LCP2: variants seen among roughly 807,000 people sequenced by gnomAD.
LCP2 encodes the protein lymphocyte cytosolic protein 2, also known as 76 kDa tyrosine phosphoprotein.
LCP2 carries 29 observed loss-of-function variants against 74.5 expected under a neutral mutation model. That is an observed-to-expected ratio of 0.39 (90% CI 0.29 to 0.53). The LOEUF (loss-of-function observed/expected upper bound fraction) is 0.53, where lower values mean the gene tolerates loss of function less well. Among genes scored for constraint, LCP2 ranks in the 20% least tolerant of loss-of-function variants. The probability of loss-of-function intolerance (pLI) is 0.72; values close to 1 mark genes in which losing one functional copy is unlikely to be tolerated. For missense variants in LCP2, 604 were observed against 634.6 expected, an observed-to-expected ratio of 0.95 and a Z score of 0.52; for synonymous variants, 228 against 229.5, an observed-to-expected ratio of 0.99 and a Z score of 0.06.
rs1761553040 is a variant in LCP2 at position 170,256,463 on chromosome 5, G to A, written c.1150+63C>T. 7.7e-7 allele frequency: 1 copy of A among 1,301,648 alleles called. No homozygotes were observed. Among genetic ancestry groups the A allele is most frequent in the South Asian group, 1.2e-5 (1 of 84,770 alleles). The allele number at this position is 1,301,648 out of a possible 1,614,324, so 80.6% of individuals were successfully genotyped here. A position where few individuals can be genotyped will look rare whatever the true frequency, so the allele number is the denominator to read the frequency against. ...CCTTTGTCGAAAGCTTTTGGGACAG[G>A]TTAGGGATCCAGTCATAAAGGCTTG... On this transcript the variant is annotated intron_variant, in intron 17 of 20. Transcript: ENST00000046794. The surrounding 1 kb of genome is among the most constrained non-coding windows in gnomAD (Gnocchi z 4.5).
chr5:170,262,055 CA>C (rs1761664440), intron 13 of LCP2, among the ~76,000 whole-genome samples: 1 of 152,170 alleles, frequency 6.6e-6, no homozygotes, highest in Non-Finnish European at 1.5e-5. Context: ...CCCTGATTCA[CA>C]AATGAGATGG....
Position 170,275,825 on chromosome 5 carries a change from T to C in LCP2, c.224A>G (p.Asn75Ser). The change falls in exon 4 of 21, where the codon AAC becomes AGC. Residue 75 changes from asparagine (N) to serine (S), a missense_variant. Coordinates refer to ENST00000046794, the MANE Select transcript of LCP2 (RefSeq NM_005565.5). The stretch of plus-strand genomic sequence containing the variant: ...TGTGAAGATGCTCCTCCTCTCTTCG[T>C]TCTTGTTGATTTCCTGACTTAACTT... ...LSKLSQEINK[N>S]EERRSIFTRK... 1.3e-6 allele frequency: 2 copies of C among 1,579,506 alleles called. No individual in the cohort carries two copies. The highest frequency in any genetic ancestry group is 1.7e-6 in the Non-Finnish European group (2 of 1,160,202).
intron 3 of LCP2, among the ~76,000 whole-genome samples, chr5:170,286,191 G>A (rs935263162): frequency 2.6e-5 from 4 of 152,236 alleles, no homozygotes; most frequent in African/African-American, 9.7e-5. Context: ...CTCAGGGAAT[G>A]GTGGGACCCT....
intron 20 of LCP2, among the ~76,000 whole-genome samples, chr5:170,249,357 C>CGTGT (rs199770462): frequency 9.6e-6 from 1 of 104,556 alleles, no homozygotes; most frequent in African/African-American, 3.6e-5. Context: ...TATGTGCATG[C>CGTGT]GTGTGTATAT....
chr5:170,275,296 A>G, intron 5 of LCP2, 24 bp downstream of exon 5: 8 of 1,613,666 alleles, frequency 5.0e-6, no homozygotes, highest in Non-Finnish European at 6.8e-6. Context: ...TAAAGCAATC[A>G]CCTCTGAGCC....
chr5:170,253,832 T>G (rs1182269401), intron 17 of LCP2, among the ~76,000 whole-genome samples: 2 of 152,230 alleles, frequency 1.3e-5, no homozygotes, highest in East Asian at 3.9e-4. Flanking sequence ...TGGGCAACTA[T>G]TAATTACCCA....
In LCP2 at chr5:170,270,929, G is replaced by A. The variant is rs748965129; in HGVS notation, c.325-12C>T. 1.2e-6 allele frequency: 2 copies of A among 1,608,760 alleles called. No homozygotes were observed. The highest frequency in any genetic ancestry group is 1.3e-5 in the African/African-American group (1 of 74,784). ...TAATCGTCTTCTTCCTGCCCACACAGTGATAGGGACAGTGCAGTTTGTAGA... is the reference window on the plus strand; with the variant it reads ...TAATCGTCTTCTTCCTGCCCACACAATGATAGGGACAGTGCAGTTTGTAGA... On this transcript the variant is annotated splice_polypyrimidine_tract_variant and intron_variant, in intron 6 of 20. Transcript: ENST00000046794.
Position 170,262,687 on chromosome 5 carries a change from C to CCGTGG in LCP2, c.869_873dup (p.Glu292ProfsTer48). The CCGTGG allele has an allele frequency of 6.2e-7, 1 of 1,613,982 alleles. No individual in the cohort carries two copies. The highest frequency in any genetic ancestry group is 1.3e-5 in the African/African-American group (1 of 75,060). On this transcript the variant is annotated frameshift_variant, in exon 13 of 21. Coordinates refer to ENST00000046794, the MANE Select transcript of LCP2 (RefSeq NM_005565.5). LOFTEE classifies it high-confidence loss of function. ...AGGGGGCTGCTCCTTTCATGTCTTT[C>CCGTGG]CGTGGTCGGTGGTAAAGGAGGCTTT...
intron 16 of LCP2, among the ~76,000 whole-genome samples, chr5:170,257,508 C>T (rs1761575513): frequency 6.6e-6 from 1 of 152,130 alleles, no homozygotes; most frequent in Non-Finnish European, 1.5e-5. Flanking sequence ...TGCCCGTGGG[C>T]TTGTTTGGGG....
chr5:170,276,002 G>C, intron 3 of LCP2, 142 bp from the exon 4 acceptor site: 3 of 670,368 alleles, frequency 4.5e-6, no homozygotes, highest in Non-Finnish European at 8.0e-6. Flanking sequence ...ACCTCTGCAG[G>C]GACCCTCTGC....
At chr5:170,263,895 G>A (rs185654924) in intron 10 of LCP2, among the ~76,000 whole-genome samples, 1 of 152,198 alleles carries the variant, frequency 6.6e-6, no homozygotes, top group Non-Finnish European at 1.5e-5. Flanking sequence ...GCAGGATCAG[G>A]CACTTGATTG....
intron 3 of LCP2, among the ~76,000 whole-genome samples, chr5:170,279,783 A>G (rs1762068942): frequency 6.6e-6 from 1 of 152,222 alleles, no homozygotes; most frequent in Non-Finnish European, 1.5e-5. Flanking sequence ...AGGGAGTGAA[A>G]CAGGAGAGTG....
intron 19 of LCP2, chr5:170,251,768 A>AC (rs1761448371): frequency 7.3e-6 from 3 of 411,238 alleles, no homozygotes; most frequent in East Asian, 7.2e-5. Context: ...CTGACACAGC[A>AC]CCCCCAGAAT....
chr5:170,284,193 C>T (rs1762146819), intron 3 of LCP2, among the ~76,000 whole-genome samples: 1 of 152,244 alleles, frequency 6.6e-6, no homozygotes, highest in Non-Finnish European at 1.5e-5. Context: ...GGGCCACGTA[C>T]ATACACAGAC....
chr5:170,262,550 C>G lies in LCP2; in HGVS notation c.926+85G>C, dbSNP rs959075164. ...ACCCTGCCCGGGAGCACCGAGGAGC[C>G]TCGGTTCCCACTGCAGAGTCAGCAC... On this transcript the variant is annotated intron_variant, in intron 13 of 20. Coordinates refer to ENST00000046794, the MANE Select transcript of LCP2 (RefSeq NM_005565.5). 6.0e-6 allele frequency: 6 copies of G among 995,830 alleles called. No homozygotes were observed. The African/African-American group carries it at 9.8e-5, about 16-fold the overall frequency. 61.7% of individuals were successfully genotyped at this position (995,830 alleles called of 1,614,324 possible).
At chr5:170,266,723 G>T in intron 10 of LCP2, 85 bp downstream of exon 10, 8 of 1,129,340 alleles carry the variant, frequency 7.1e-6, no homozygotes, top group Non-Finnish European at 1.1e-5. Context: ...ATAGTTAAAT[G>T]AGATGGTACA....
chr5:170,253,652 T>C (rs1761495744), intron 17 of LCP2, among the ~76,000 whole-genome samples: 1 of 152,230 alleles, frequency 6.6e-6, no homozygotes, highest in East Asian at 1.9e-4. Flanking sequence ...ATGAAGATAA[T>C]TATGTTCTTA....
intron 20 of LCP2, among the ~76,000 whole-genome samples, chr5:170,250,268 C>T (rs141862082): frequency 7.2e-5 from 11 of 152,248 alleles, no homozygotes; most frequent in South Asian, 2.1e-4. Context: ...ATTTCTTTGG[C>T]GATCTGGCCA....
chr5:170,271,468 T>G (rs1581066222), intron 6 of LCP2, among the ~76,000 whole-genome samples: 2 of 152,100 alleles, frequency 1.3e-5, no homozygotes, highest in African/African-American at 4.8e-5. Flanking sequence ...TCAGAGGCTG[T>G]GCTGTTCTTT....
Sources: gnomAD v4.1 joint callset for allele counts (sites outside exome capture counted in the v4.1 genomes callset) on GRCh38, gnomAD v4.1.1 for gene constraint, Gnocchi (gnomAD v3.1) non-coding constraint, MANE v1.5 for transcripts, NCBI Gene and HGNC (gene_info 2026-07-23, HGNC 2026-07-21) for gene names.